Variants in ATL2 observed in about 807,000 individuals in gnomAD.
The protein encoded by ATL2 is atlastin-2.
In ATL2, 31 loss-of-function variants were observed where a neutral mutation model predicts 73.9. The ratio of observed to expected loss-of-function variants is 0.42; its 90% CI spans 0.32 to 0.57. The LOEUF (loss-of-function observed/expected upper bound fraction) is 0.57. Ranked by LOEUF, ATL2 falls within the 20% of genes least tolerant of loss-of-function variation. The pLI is 0.14. For synonymous variants in ATL2, 291 were observed against 237.5 expected (o/e 1.23, Z -2.07); for missense variants, 738 against 702.6 (o/e 1.05, Z -0.57).
intron 2 of ATL2, among the ~76,000 whole-genome samples, chr2:38,322,327 C>T (rs1191723795): frequency 1.3e-5 from 2 of 152,170 alleles, no homozygotes; most frequent in African/African-American, 4.8e-5. Context: ...AGGTAAGTTT[C>T]ACAAAAGTTT....
At position 38,373,913 on chromosome 2, in the gene ATL2, CAG is replaced by C. The variant is rs1404763805; in HGVS notation, c.118+3228_118+3229del. On this transcript the variant is annotated intron_variant, in intron 1 of 12. Transcript: ENST00000378954. Reference sequence around the variant, plus strand: ...CCTGCTATCCTTTTTATGGGGGAGACAGAGTTTCGCTCTTGTTGCCCAGGCTG... The same window carrying C: ...CCTGCTATCCTTTTTATGGGGGAGACAGTTTCGCTCTTGTTGCCCAGGCTG... Among the ~76,000 whole-genome samples the C allele has an allele frequency of 8.5e-5, 13 of 152,238 alleles. 1 individual carries two copies. The South Asian group carries it at 2.3e-3, about 27-fold the overall frequency.
chr2:38,326,477 C>T (rs906217984), intron 2 of ATL2, among the ~76,000 whole-genome samples: 4 of 152,116 alleles, frequency 2.6e-5, no homozygotes, highest in Non-Finnish European at 5.9e-5. Flanking sequence ...CAGAACCAGA[C>T]TCAGATATGA....
chr2:38,332,617 T>C (rs960273392), intron 2 of ATL2, among the ~76,000 whole-genome samples: 1 of 152,220 alleles, frequency 6.6e-6, no homozygotes, highest in African/African-American at 2.4e-5. Flanking sequence ...AAGTAAATTA[T>C]ATCTCAGTAA....
intron 1 of ATL2, among the ~76,000 whole-genome samples, chr2:38,349,528 T>C (rs1271448425): frequency 2.0e-5 from 1 of 50,260 alleles, no homozygotes; most frequent in Non-Finnish European, 3.5e-5. Context: ...TGTTGTGGGG[T>C]GGGGGGAGGG....
At chr2:38,335,891 C>T (rs527804320) in intron 2 of ATL2, among the ~76,000 whole-genome samples, 6 of 152,108 alleles carry the variant, frequency 3.9e-5, no homozygotes, top group Non-Finnish European at 7.4e-5. Context: ...ATACAAAAAA[C>T]TAGCAGGGCA....
chr2:38,335,033 T>C (rs1421544881), intron 2 of ATL2, among the ~76,000 whole-genome samples: 2 of 122,028 alleles, frequency 1.6e-5, no homozygotes. Context: ...TACAGACGTA[T>C]ACAGATAATT....
At chr2:38,370,318 G>A (rs867475010) in intron 1 of ATL2, among the ~76,000 whole-genome samples, 37 of 151,198 alleles carry the variant, frequency 2.4e-4, no homozygotes, top group South Asian at 8.4e-4. Flanking sequence ...GCACGGTGGC[G>A]GGCACCTGTA....
At chr2:38,327,778 A>C (rs1044670616) in intron 2 of ATL2, among the ~76,000 whole-genome samples, 8 of 152,144 alleles carry the variant, frequency 5.3e-5, no homozygotes, top group East Asian at 1.9e-4. Flanking sequence ...TCTATTCAAA[A>C]TACAAAACTT....
chr2:38,340,953 C>T (rs1669677659), intron 2 of ATL2, among the ~76,000 whole-genome samples: 1 of 152,198 alleles, frequency 6.6e-6, no homozygotes, highest in South Asian at 2.1e-4. Flanking sequence ...GCAACTCCCC[C>T]AGGAAAAGAG....
At chr2:38,296,230 G>A (rs1666886593) in intron 12 of ATL2, 117 bp from the exon 13 acceptor site, 1 of 1,420,318 alleles carries the variant, frequency 7.0e-7, no homozygotes, top group African/African-American at 1.4e-5. Context: ...AGGAATATGG[G>A]AAATAAAAAG....
intron 2 of ATL2, among the ~76,000 whole-genome samples, chr2:38,336,921 A>G (rs768982256): frequency 6.6e-5 from 10 of 152,184 alleles, no homozygotes; most frequent in African/African-American, 9.7e-5. Context: ...ACTCTTGCCA[A>G]AAGAGCGTCA....
At chr2:38,325,656 A>C (rs1482774021) in intron 2 of ATL2, among the ~76,000 whole-genome samples, 7 of 66,810 alleles carry the variant, frequency 1.0e-4, no homozygotes, top group South Asian at 1.0e-3. Context: ...ACACACACAC[A>C]CCAGTACACA....
chr2:38,331,361 G>A (rs866539246), intron 2 of ATL2, among the ~76,000 whole-genome samples: 11 of 150,094 alleles, frequency 7.3e-5, no homozygotes, highest in Admixed American at 2.0e-4. Context: ...ACTTAAACCC[G>A]GGAGGCAGAA....
chr2:38,301,965 G>C (rs777690506), intron 9 of ATL2, among the ~76,000 whole-genome samples: 1 of 152,220 alleles, frequency 6.6e-6, no homozygotes, highest in Non-Finnish European at 1.5e-5. Flanking sequence ...AGAGTAAAGA[G>C]GACTTTGTCT....
intron 2 of ATL2, among the ~76,000 whole-genome samples, chr2:38,330,926 A>G (rs775304333): frequency 5.3e-5 from 8 of 152,218 alleles, no homozygotes; most frequent in Non-Finnish European, 7.3e-5. Flanking sequence ...AACAATCTTG[A>G]AAAAGAACAA....
intron 6 of ATL2, among the ~76,000 whole-genome samples, chr2:38,313,924 G>A (rs913030647): frequency 6.6e-6 from 1 of 152,140 alleles, no homozygotes; most frequent in East Asian, 1.9e-4. Context: ...AGGCCAAATA[G>A]GGTATATTTC....
chr2:38,358,582 C>A, intron 1 of ATL2: 1 of 306,600 alleles, frequency 3.3e-6, no homozygotes, highest in Non-Finnish European at 6.8e-6. Flanking sequence ...GTCCCAGATA[C>A]TCAGGAGGCT....
intron 4 of ATL2, among the ~76,000 whole-genome samples, chr2:38,317,355 A>G (rs1336729660): frequency 6.6e-6 from 1 of 152,240 alleles, no homozygotes; most frequent in Non-Finnish European, 1.5e-5. Context: ...ATGATCTCAG[A>G]AAAGAAAAAG....
intron 8 of ATL2, among the ~76,000 whole-genome samples, chr2:38,309,890 G>C (rs191450213): frequency 7.9e-5 from 12 of 152,038 alleles, no homozygotes; most frequent in Non-Finnish European, 1.8e-4. Context: ...TACTGTAAAA[G>C]TTTTGTCAAT....
Sources: allele counts gnomAD v4.1 joint callset (sites outside exome capture counted in the v4.1 genomes callset), GRCh38; gene constraint gnomAD v4.1.1; transcripts MANE v1.5; gene names NCBI Gene and HGNC (gene_info 2026-07-23, HGNC 2026-07-21).